The following VWA5B2 variants were observed in gnomAD, a reference collection of about 807,000 sequenced individuals.
The protein encoded by VWA5B2 is von Willebrand factor A domain containing 5B2.
Under a neutral mutation model 118.5 loss-of-function variants are expected in VWA5B2, and 93 were observed. The observed-to-expected ratio is 0.79, with a 90% CI of 0.66 to 0.93. VWA5B2 has a LOEUF of 0.93. Ranked by LOEUF, VWA5B2 falls within the 40% of genes least tolerant of loss-of-function variation. The pLI is 0.00. For missense variants in VWA5B2, 1,546 were observed against 1,672.8 expected, an observed-to-expected ratio of 0.92 and a Z score of 1.32; for synonymous variants, 708 against 716.3, an observed-to-expected ratio of 0.99 and a Z score of 0.19.
Position 184,239,408 on chromosome 3 carries a change from T to C in VWA5B2, c.2217T>C (p.Ser739=). The change falls in exon 15 of 20, where the codon AGT becomes AGC. Residue 739 remains serine (S), a synonymous_variant. Coordinates refer to ENST00000691901, the MANE Select transcript of VWA5B2 (RefSeq NM_001390846.1). The surrounding 1 kb of genome is among the most constrained non-coding windows in gnomAD (Gnocchi z 5.1). ...CTCACATGCAGGTGGGGGCCTTGAG[T>C]ACTGAGGTGCTGGGCCGTCAGCACA... ...TPAPFKVGAL[S]TEVLGRQHRA... 6.5e-7 allele frequency: 1 copy of C among 1,544,430 alleles called. No homozygotes were observed. The highest frequency in any genetic ancestry group is 8.8e-7 in the Non-Finnish European group (1 of 1,142,630).
intron 7 of VWA5B2, 82 bp from the exon 8 acceptor site, chr3:184,235,071 G>T: frequency 6.8e-7 from 1 of 1,468,980 alleles, no homozygotes; most frequent in Non-Finnish European, 9.2e-7. Flanking sequence ...ACAGAAAAAG[G>T]CCCCAGAGCC....
Position 184,238,318 on chromosome 3 carries a change from T to A in VWA5B2, c.1735T>A (p.Trp579Arg). The change falls in exon 13 of 20, where the codon TGG becomes AGG. Residue 579 changes from tryptophan (W) to arginine (R), a missense_variant. Transcript: ENST00000691901. The surrounding 1 kb of genome is among the most constrained non-coding windows in gnomAD (Gnocchi z 5.0). Reference protein sequence around the residue: ...SRPPGGQEPGWQSSGGSVFPS... With the variant: ...SRPPGGQEPGRQSSGGSVFPS... ...TTCTCTCTAGGGCCAAGAGCCTGGC[T>A]GGCAGAGCTCGGGTGGGTCCGTGTT... The A allele has an allele frequency of 6.6e-7, 1 of 1,525,592 alleles. No homozygotes were observed. Among genetic ancestry groups the A allele is most frequent in the Non-Finnish European group, 8.8e-7 (1 of 1,132,296 alleles). 94.5% of individuals were successfully genotyped at this position (1,525,592 alleles called of 1,614,324 possible). A position where few individuals can be genotyped will look rare whatever the true frequency, so the allele number is the denominator to read the frequency against.
chr3:184,241,035 C>G lies in VWA5B2; in HGVS notation c.2890C>G (p.Pro964Ala), dbSNP rs770353685. The G allele has an allele frequency of 6.4e-6, 10 of 1,551,622 alleles. No individual in the cohort carries two copies. In the South Asian group the frequency reaches 1.1e-4, roughly 17 times the overall value. ...LQVCSSEPAE[P>A]PGTPPASHSH... is the part of the protein sequence containing the mutation. ...ATGTGCCCCTGCAGAGCCCGCTGAG[C>G]CCCCAGGAACCCCTCCTGCCTCTCA... Residue 964 changes from proline (P) to alanine (A), a missense_variant, in exon 18 of 20, where the codon CCC becomes GCC. Pro to Ala is a conservative substitution (Grantham distance 27). Transcript: ENST00000691901. The surrounding 1 kb of genome is among the most constrained non-coding windows in gnomAD (Gnocchi z 5.1).
chr3:184,240,118 C>A, intron 16 of VWA5B2, 82 bp downstream of exon 16: 1 of 1,092,056 alleles, frequency 9.2e-7, no homozygotes, highest in Non-Finnish European at 1.3e-6. Flanking sequence ...TTTGATCACT[C>A]TCTATACCTC....
chr3:184,234,751 G>A lies in VWA5B2; in HGVS notation c.941G>A (p.Arg314Gln), dbSNP rs752607575. Residue 314 changes from arginine to glutamine, a missense_variant, in exon 7 of 20, where the codon CGG becomes CAG. Around this residue, in one of 3 missense-constraint regions of VWA5B2, gnomAD observed 775 missense variants for 882.3 expected, o/e 0.88. Transcript: ENST00000691901. ...CAGCGAAGGGACAGTGATGGGGACC[G>A]GCAGGTACCGCCATAGGAGCCTGGC... ...RLQRRDSDGDRQVWFLQRRFH... is the reference protein window; with the variant it reads ...RLQRRDSDGDQQVWFLQRRFH... 130 of 1,550,536 alleles carry A rather than the reference G, an allele frequency of 8.4e-5. No individual in the cohort carries two copies. The highest frequency in any genetic ancestry group is 1.4e-4 in the African/African-American group (10 of 73,180).
rs1277221669 is a variant in VWA5B2 at position 184,241,722 on chromosome 3, G to A, written c.3413G>A (p.Gly1138Asp). 5.3e-6 allele frequency: 8 copies of A among 1,500,122 alleles called. No individual in the cohort carries two copies. Among genetic ancestry groups the A allele is most frequent in the Non-Finnish European group, 5.3e-6 (6 of 1,127,062 alleles). The allele number at this position is 1,500,122 out of a possible 1,614,324, so 92.9% of individuals were successfully genotyped here. The change falls in exon 20 of 20, where the codon GGC (glycine) becomes GAC (aspartate). Residue 1138 changes from glycine (G) to aspartate (D), a missense_variant. By Grantham distance (94) the Gly-to-Asp change is moderately conservative. Transcript: ENST00000691901. The surrounding 1 kb of genome is among the most constrained non-coding windows in gnomAD (Gnocchi z 5.1). ...CCCAGCTCGGGCTCTGAGGGGCCAG[G>A]CCAGGTGGACAGTGGGCGGGGCTCA... is the stretch of plus-strand genomic sequence containing the variant. ...PSPSSGSEGP[G>D]QVDSGRGSDT...
chr3:184,233,088 G>A lies in VWA5B2; in HGVS notation c.311-90G>A. 8.1e-7 allele frequency: 1 copy of A among 1,234,942 alleles called. No individual in the cohort carries two copies. The highest frequency in any genetic ancestry group is 1.1e-6 in the Non-Finnish European group (1 of 886,926). 76.5% of individuals were successfully genotyped at this position (1,234,942 alleles called of 1,614,324 possible). On this transcript the variant is annotated intron_variant, in intron 3 of 19. Transcript: ENST00000691901. This position sits in a 1 kb window ranked among gnomAD's most constrained non-coding sequence, Gnocchi z 5.2. ...AACACGCAAAGTCCCCCTTGCCCAG[G>A]CTCCCTGACCCAATGCCTGCTTCCA...
At position 184,238,184 on chromosome 3, in the gene VWA5B2, T is replaced by C; in HGVS notation, c.1720-119T>C. On this transcript the variant is annotated intron_variant, in intron 12 of 19. Transcript: ENST00000691901. The surrounding 1 kb of genome is among the most constrained non-coding windows in gnomAD (Gnocchi z 5.0). ...TGTCTGCTTCCTCCTTCTTTAGTAC[T>C]GGTCTTTTGTTTCTGGTTTATTAGC... 1 of 829,894 alleles carries C rather than the reference T, an allele frequency of 1.2e-6. No homozygotes were observed. The highest frequency in any genetic ancestry group is 1.8e-6 in the Non-Finnish European group (1 of 546,924). The allele number at this position is 829,894 out of a possible 1,614,324, so 51.4% of individuals were successfully genotyped here. A position where few individuals can be genotyped will look rare whatever the true frequency, so the allele number is the denominator to read the frequency against.
rs1380127712 is a variant in VWA5B2 at position 184,237,703 on chromosome 3, T to C, written c.1719+292T>C. ...CACAGAAAACAGCACCTGCATTTGC[T>C]ATGAGGTTTCCGTCAAGGCTTGCTC... On this transcript the variant is annotated intron_variant, in intron 12 of 19. Coordinates refer to ENST00000691901, the MANE Select transcript of VWA5B2 (RefSeq NM_001390846.1). This position sits in a 1 kb window ranked among gnomAD's most constrained non-coding sequence, Gnocchi z 5.6. 6.6e-6 allele frequency among the ~76,000 whole-genome samples: 1 copy of C among 152,226 alleles called. No individual in the cohort carries two copies. Among genetic ancestry groups the C allele is most frequent in the Non-Finnish European group, 1.5e-5 (1 of 68,046 alleles).
intron 8 of VWA5B2, 32 bp from the exon 9 acceptor site, chr3:184,236,120 G>T: frequency 6.5e-7 from 1 of 1,537,940 alleles, no homozygotes; most frequent in South Asian, 1.2e-5. Flanking sequence ...CCATGGGGCC[G>T]GCCTCACGCC....
chr3:184,230,869 G>T lies in VWA5B2; in HGVS notation c.262G>T (p.Ala88Ser). 1 of 1,240,060 alleles carries T rather than the reference G, an allele frequency of 8.1e-7. No individual in the cohort carries two copies. Among genetic ancestry groups the T allele is most frequent in the East Asian group, 3.3e-5 (1 of 30,360 alleles). 76.8% of individuals were successfully genotyped at this position (1,240,060 alleles called of 1,614,324 possible). A position where few individuals can be genotyped will look rare whatever the true frequency, so the allele number is the denominator to read the frequency against. ...CCGCTCGCAGGCCGCCTGCTGCCGCGCTCTGGGCCCGGGGCTGGGGACCCC... is the reference window on the plus strand; with the variant it reads ...CCGCTCGCAGGCCGCCTGCTGCCGCTCTCTGGGCCCGGGGCTGGGGACCCC... ...RRRSQAACCR[A>S]LGPGLGTPTP... Residue 88 changes from alanine to serine, a missense_variant, in exon 3 of 20, where the codon GCT (alanine) becomes TCT (serine). This residue lies in a region of VWA5B2 where 775 missense variants were observed against 882.3 expected (regional missense o/e 0.88). Coordinates refer to ENST00000691901, the MANE Select transcript of VWA5B2 (RefSeq NM_001390846.1).
rs1414413544 is a variant in VWA5B2, at chr3:184,237,216, C to T, written c.1534-10C>T. On this transcript the variant is annotated splice_polypyrimidine_tract_variant and intron_variant, in intron 11 of 19. Coordinates refer to ENST00000691901, the MANE Select transcript of VWA5B2 (RefSeq NM_001390846.1). This position sits in a 1 kb window ranked among gnomAD's most constrained non-coding sequence, Gnocchi z 5.6. ...CCTTCCCATGTCTTCCCTGTGGCCA[C>T]TCCCCACAGCTGGTACAGGCTCTGC... 1.3e-6 allele frequency: 2 copies of T among 1,548,748 alleles called. No homozygotes were observed. The highest frequency in any genetic ancestry group is 1.7e-6 in the Non-Finnish European group (2 of 1,144,976).
At position 184,242,168 on chromosome 3, in the gene VWA5B2, TC is replaced by T. The variant is rs1718801000; in HGVS notation, c.*133del. 1.8e-5 allele frequency: 22 copies of T among 1,218,308 alleles called. No individual in the cohort carries two copies. The highest frequency in any genetic ancestry group is 2.5e-5 in the Non-Finnish European group (22 of 883,448). The allele number at this position is 1,218,308 out of a possible 1,614,324, so 75.5% of individuals were successfully genotyped here. On this transcript the variant is annotated 3_prime_UTR_variant, in exon 20 of 20. Coordinates refer to ENST00000691901, the MANE Select transcript of VWA5B2 (RefSeq NM_001390846.1). ...CTGTCCCCCACTGCTTCTTACTCCC[TC>T]CCTAGAGCCCTCTTGCCCCCACAAA...
chr3:184,241,510 A>G lies in VWA5B2; in HGVS notation c.3201A>G (p.Pro1067=), dbSNP rs1253510828. ...YLPLVRLQEA[P]GSFRLDAPFC... The stretch of plus-strand genomic sequence containing the variant: ...CTCAGGTGCGGCTGCAGGAGGCACC[A>G]GGCTCCTTCCGCCTGGACGCGCCCT... The change falls in exon 20 of 20, where the codon CCA becomes CCG. Residue 1067 remains proline, a synonymous_variant. Coordinates refer to ENST00000691901, the MANE Select transcript of VWA5B2 (RefSeq NM_001390846.1). The surrounding 1 kb of genome is among the most constrained non-coding windows in gnomAD (Gnocchi z 5.1). 2.3e-5 allele frequency: 36 copies of G among 1,551,770 alleles called. No homozygotes were observed. Among genetic ancestry groups the G allele is most frequent in the Non-Finnish European group, 3.0e-5 (35 of 1,147,670 alleles).
In VWA5B2 at chr3:184,233,332, G is replaced by A. The variant is rs1158118775; in HGVS notation, c.465G>A (p.Val155=). ...TGCTGCATGTGGCCCTGCCCACTGT[G>A]CTCACCCCGCTGGCCCCGCCAGGCC... ...DGVLHVALPT[V]LTPLAPPGPP... The change falls in exon 4 of 20, where the codon GTG becomes GTA. Residue 155 remains valine (V), a synonymous_variant. Transcript: ENST00000691901. The surrounding 1 kb of genome is among the most constrained non-coding windows in gnomAD (Gnocchi z 5.2). 2 of 1,536,246 alleles carry A rather than the reference G, an allele frequency of 1.3e-6. No individual in the cohort carries two copies. The highest frequency in any genetic ancestry group is 1.4e-5 in the African/African-American group (1 of 72,792).
rs1718360390 is a variant in VWA5B2 at position 184,239,701 on chromosome 3, C to T, written c.2405C>T (p.Ser802Phe). ...QGLDDSGNLLSPAPMDWDMLM... is the reference protein window; with the variant it reads ...QGLDDSGNLLFPAPMDWDMLM... ...CTTGCCTCCCCAGGAAACCTGCTCT[C>T]CCCAGCCCCTATGGACTGGGACATG... The change falls in exon 16 of 20, where the codon TCC becomes TTC. Residue 802 changes from serine to phenylalanine, a missense_variant. Ser to Phe is a radical substitution (Grantham distance 155). Coordinates refer to ENST00000691901, the MANE Select transcript of VWA5B2 (RefSeq NM_001390846.1). This position sits in a 1 kb window ranked among gnomAD's most constrained non-coding sequence, Gnocchi z 5.1. 2 of 1,478,200 alleles carry T rather than the reference C, an allele frequency of 1.4e-6. No homozygotes were observed. The highest frequency in any genetic ancestry group is 1.4e-5 in the African/African-American group (1 of 71,312). 91.6% of individuals were successfully genotyped at this position (1,478,200 alleles called of 1,614,324 possible).
Position 184,233,363 on chromosome 3 carries a change from G to A in VWA5B2, c.496G>A (p.Gly166Arg). The A allele has an allele frequency of 6.5e-7, 1 of 1,540,258 alleles. No homozygotes were observed. Among genetic ancestry groups the A allele is most frequent in the Admixed American group, 2.0e-5 (1 of 48,944 alleles). Residue 166 changes from glycine to arginine, a missense_variant, in exon 4 of 20, where the codon GGG (glycine) becomes AGG (arginine). Physicochemically the swap from Gly to Arg is moderately radical, Grantham distance 125. Transcript: ENST00000691901. This position sits in a 1 kb window ranked among gnomAD's most constrained non-coding sequence, Gnocchi z 5.2. ...CCCGCTGGCCCCGCCAGGCCCGCCG[G>A]GGCCCCCCAGGCCTCCGGGGCTCTG... The part of the protein sequence containing the change: ...LTPLAPPGPP[G>R]PPRPPGLCDD...
Position 184,236,219 on chromosome 3 carries a change from C to T in VWA5B2, c.1169C>T (p.Thr390Met), listed in dbSNP as rs1442113047. Residue 390 changes from threonine (T) to methionine (M), a missense_variant, in exon 9 of 20, where the codon ACG becomes ATG. Around this residue, in one of 3 missense-constraint regions of VWA5B2, gnomAD observed 775 missense variants for 882.3 expected, o/e 0.88. Transcript: ENST00000691901. The part of the protein sequence containing the change: ...QTLINLAVFG[T>M]LVQPLFPESR... ...CTTATCAACCTGGCCGTGTTTGGGACGTTGGTGCAGCCACTCTTCCCAGAG... is the reference window on the plus strand; with the variant it reads ...CTTATCAACCTGGCCGTGTTTGGGATGTTGGTGCAGCCACTCTTCCCAGAG... 1.7e-5 allele frequency: 27 copies of T among 1,551,644 alleles called. No homozygotes were observed. Among genetic ancestry groups the T allele is most frequent in the Admixed American group, 5.9e-5 (3 of 50,994 alleles).
In VWA5B2 at chr3:184,233,836, A is replaced by G. The variant is rs1436250347; in HGVS notation, c.688+103A>G. ...TCAGGGATAGGAGGGACACAGGACAAAAAGACAGGGACCCCAGCCTCCGGA... is the reference window on the plus strand; with the variant it reads ...TCAGGGATAGGAGGGACACAGGACAGAAAGACAGGGACCCCAGCCTCCGGA... On this transcript the variant is annotated intron_variant, in intron 5 of 19. Transcript: ENST00000691901. The surrounding 1 kb of genome is among the most constrained non-coding windows in gnomAD (Gnocchi z 5.2). 4 of 1,442,218 alleles carry G rather than the reference A, an allele frequency of 2.8e-6. No homozygotes were observed. Among genetic ancestry groups the G allele is most frequent in the Non-Finnish European group, 2.8e-6 (3 of 1,082,818 alleles). 89.3% of individuals were successfully genotyped at this position (1,442,218 alleles called of 1,614,324 possible).
Sources: allele counts gnomAD v4.1 joint callset (sites outside exome capture counted in the v4.1 genomes callset), GRCh38; gene constraint gnomAD v4.1.1; regional missense constraint gnomAD v4.1.1; non-coding constraint Gnocchi (gnomAD v3.1); transcripts MANE v1.5; gene names NCBI Gene and HGNC (gene_info 2026-07-23, HGNC 2026-07-21).